The following CDH18 variants were observed in gnomAD, a reference collection of about 807,000 sequenced individuals.
CDH18 encodes the protein cadherin-18.
A neutral mutation model predicts 67.9 loss-of-function variants in CDH18; 31 were observed. That is an observed-to-expected ratio of 0.46 (90% confidence interval 0.34 to 0.62). The LOEUF is 0.62. Ranked by LOEUF, CDH18 falls within the 20% of genes least tolerant of loss-of-function variation. The pLI is 0.01. For synonymous variants in CDH18, 362 were observed against 347.2 expected, an observed-to-expected ratio of 1.04 and a Z score of -0.48; for missense variants, 890 against 975.5, an observed-to-expected ratio of 0.91 and a Z score of 1.17.
At chr5:19,873,679 G>C (rs564373481) in intron 2 of CDH18, among the ~76,000 whole-genome samples, 26 of 151,756 alleles carry the variant, frequency 1.7e-4, no homozygotes, top group African/African-American at 6.0e-4. Context: ...ACAGAGTCTT[G>C]CTTTGTCGCC....
intron 1 of CDH18, among the ~76,000 whole-genome samples, chr5:19,981,403 G>T (rs1799025834): frequency 1.6e-5 from 2 of 125,640 alleles, no homozygotes; most frequent in African/African-American, 5.0e-5. Context: ...AAACACCACA[G>T]AAAGAATAAT....
chr5:20,325,541 C>T (rs1020813669), intron 1 of CDH18, among the ~76,000 whole-genome samples: 23 of 152,120 alleles, frequency 1.5e-4, no homozygotes, highest in East Asian at 5.8e-4. Context: ...CGCACCCTTC[C>T]GCCACCCATC....
intron 3 of CDH18, among the ~76,000 whole-genome samples, chr5:19,749,652 T>A (rs1429632641): frequency 6.6e-6 from 1 of 150,942 alleles, no homozygotes; most frequent in African/African-American, 2.4e-5. Flanking sequence ...AGTAAAGTTC[T>A]TAACCTACAG....
intron 2 of CDH18, among the ~76,000 whole-genome samples, chr5:19,979,307 T>C (rs1798805558): frequency 1.3e-5 from 2 of 151,910 alleles, no homozygotes; most frequent in South Asian, 2.1e-4. Context: ...GTATGAACAA[T>C]GCTGAAATAA....
At chr5:20,043,641 A>T (rs2150477214) in intron 2 of CDH18, among the ~76,000 whole-genome samples, 1 of 152,314 alleles carries the variant, frequency 6.6e-6, no homozygotes, top group Non-Finnish European at 1.5e-5. Flanking sequence ...GATAATAGGT[A>T]GTCATGTTGC....
intron 1 of CDH18, among the ~76,000 whole-genome samples, chr5:20,476,654 T>G (rs1375972738): frequency 1.3e-5 from 2 of 152,194 alleles, no homozygotes; most frequent in Non-Finnish European, 2.9e-5. Flanking sequence ...TAGAATATTT[T>G]GTGTTGCCTC....
intron 4 of CDH18, among the ~76,000 whole-genome samples, chr5:19,726,405 T>G (rs1032552392): frequency 7.2e-5 from 11 of 152,320 alleles, no homozygotes; most frequent in Non-Finnish European, 1.2e-4. Flanking sequence ...ACAAATCGCC[T>G]CGTGTACTAT....
intron 2 of CDH18, among the ~76,000 whole-genome samples, chr5:19,843,111 CAAG>C (rs1431931375): frequency 6.6e-6 from 1 of 152,166 alleles, no homozygotes; most frequent in Non-Finnish European, 1.5e-5. Flanking sequence ...GCATAAGTAA[CAAG>C]AAGCCAAATG....
intron 2 of CDH18, among the ~76,000 whole-genome samples, chr5:20,226,748 G>GA: frequency 6.6e-6 from 1 of 151,928 alleles, no homozygotes; most frequent in East Asian, 1.9e-4. Context: ...TACCATATTA[G>GA]AAAAATGTAT....
At chr5:20,214,492 T>A (rs570616312) in intron 2 of CDH18, among the ~76,000 whole-genome samples, 17 of 151,936 alleles carry the variant, frequency 1.1e-4, no homozygotes, top group African/African-American at 4.1e-4. Flanking sequence ...AAAACATACA[T>A]AGACCAATGG....
intron 8 of CDH18, among the ~76,000 whole-genome samples, chr5:19,567,105 T>C (rs931804678): frequency 1.3e-5 from 2 of 152,000 alleles, no homozygotes; most frequent in African/African-American, 4.8e-5. Context: ...GTGGGGCAGG[T>C]AATTGGGGAT....
intron 1 of CDH18, among the ~76,000 whole-genome samples, chr5:20,534,031 C>T (rs895082411): frequency 4.6e-5 from 7 of 151,898 alleles, no homozygotes; most frequent in East Asian, 1.9e-4. Context: ...ATCATTTTAA[C>T]TCCTAATTAA....
At chr5:20,500,216 A>AGGG (rs1304497198) in intron 1 of CDH18, among the ~76,000 whole-genome samples, 1 of 152,074 alleles carries the variant, frequency 6.6e-6, no homozygotes, top group African/African-American at 2.4e-5. Context: ...CAAACAATTA[A>AGGG]ATTGCTGGTG....
At chr5:20,262,714 C>T (rs1398441464) in intron 1 of CDH18, among the ~76,000 whole-genome samples, 3 of 152,042 alleles carry the variant, frequency 2.0e-5, no homozygotes, top group Non-Finnish European at 4.4e-5. Context: ...TTTGATTTAG[C>T]CATTCAGTAA....
At chr5:20,203,926 A>G (rs1739666059) in intron 2 of CDH18, among the ~76,000 whole-genome samples, 1 of 152,082 alleles carries the variant, frequency 6.6e-6, no homozygotes, top group South Asian at 2.1e-4. Flanking sequence ...GAGCTCAAAG[A>G]CAGGCTATTT....
intron 2 of CDH18, among the ~76,000 whole-genome samples, chr5:20,250,304 A>G (rs1300500898): frequency 2.0e-5 from 3 of 148,684 alleles, no homozygotes; most frequent in Non-Finnish European, 3.0e-5. Context: ...TTATTTATTT[A>G]TTTTTTTCAG....
chr5:19,577,913 G>C (rs1290765427), intron 7 of CDH18, among the ~76,000 whole-genome samples: 1 of 152,154 alleles, frequency 6.6e-6, no homozygotes, highest in African/African-American at 2.4e-5. Context: ...GTCCTTATAA[G>C]AGTGGCCAAG....
intron 1 of CDH18, chr5:20,304,160 T>A: frequency 6.5e-7 from 1 of 1,547,920 alleles, no homozygotes; most frequent in Non-Finnish European, 8.9e-7. Context: ...AATTGGTGGA[T>A]TTGGAACACA....
intron 1 of CDH18, among the ~76,000 whole-genome samples, chr5:20,506,559 C>G (rs2126466203): frequency 6.6e-6 from 1 of 152,294 alleles, no homozygotes; most frequent in East Asian, 1.9e-4. Context: ...GATCCTACCC[C>G]AGTTGAGCCT....
Sources: gnomAD v4.1 joint callset for allele counts (sites outside exome capture counted in the v4.1 genomes callset) on GRCh38, gnomAD v4.1.1 for gene constraint, MANE v1.5 for transcripts, NCBI Gene and HGNC (gene_info 2026-07-23, HGNC 2026-07-21) for gene names.